The following ANO10 variants were observed in gnomAD, a reference collection of about 807,000 sequenced individuals.
ANO10 encodes the protein anoctamin-10.
Under a neutral mutation model 74.7 loss-of-function variants are expected in ANO10, and 77 were observed. The observed-to-expected ratio is 1.03, with a 90% CI of 0.86 to 1.25. The LOEUF (loss-of-function observed/expected upper bound fraction) is 1.25, where lower values mean the gene tolerates loss of function less well. Ranked by LOEUF, ANO10 falls within the 50% of genes most tolerant of loss-of-function variation. The pLI is 0.00. For synonymous variants in ANO10, 279 were observed against 284.9 expected (o/e 0.98, Z 0.21); for missense variants, 721 against 778.1 (o/e 0.93, Z 0.87).
intron 2 of ANO10, among the ~76,000 whole-genome samples, chr3:43,605,423 A>G (rs2082514126): frequency 6.6e-6 from 1 of 152,178 alleles, no homozygotes; most frequent in Admixed American, 6.6e-5. Flanking sequence ...TTAAGCACCT[A>G]CTATGCACCA....
chr3:43,385,682 T>C (rs1575622851), intron 12 of ANO10, among the ~76,000 whole-genome samples: 1 of 146,740 alleles, frequency 6.8e-6, no homozygotes, highest in Middle Eastern at 3.5e-3. Flanking sequence ...ACATTGTATG[T>C]CCTCACTCAT....
At chr3:43,591,482 G>A (rs151319121) in intron 4 of ANO10, among the ~76,000 whole-genome samples, 1 of 152,174 alleles carries the variant, frequency 6.6e-6, no homozygotes, top group Non-Finnish European at 1.5e-5. Flanking sequence ...AGGCTCCCCA[G>A]GTCAGAGAAC....
At chr3:43,543,730 G>A (rs1036666558) in intron 11 of ANO10, among the ~76,000 whole-genome samples, 4 of 152,120 alleles carry the variant, frequency 2.6e-5, no homozygotes, top group African/African-American at 9.7e-5. Flanking sequence ...GAGAGGGGGT[G>A]CCACATGAAA....
intron 1 of ANO10, among the ~76,000 whole-genome samples, chr3:43,617,471 G>A (rs141334866): frequency 7.8e-4 from 119 of 152,218 alleles, no homozygotes; most frequent in African/African-American, 2.8e-3. Context: ...TCTTTATCAT[G>A]TGTCGAATTG....
At chr3:43,544,576 T>C (rs971748503) in intron 11 of ANO10, among the ~76,000 whole-genome samples, 1 of 152,050 alleles carries the variant, frequency 6.6e-6, no homozygotes, top group Non-Finnish European at 1.5e-5. Context: ...GCAGATCACT[T>C]GAGGTCAGGA....
At chr3:43,574,781 T>C in intron 7 of ANO10, 28 bp downstream of exon 7, 2 of 1,582,942 alleles carry the variant, frequency 1.3e-6, no homozygotes, top group African/African-American at 1.3e-5. Flanking sequence ...TTTCATAAAA[T>C]GGATTTGTAC....
chr3:43,638,280 A>G (rs1262133731), intron 1 of ANO10, among the ~76,000 whole-genome samples: 1 of 152,220 alleles, frequency 6.6e-6, no homozygotes, highest in Non-Finnish European at 1.5e-5. Flanking sequence ...AAATTATGCA[A>G]TTTATATTAA....
intron 11 of ANO10, among the ~76,000 whole-genome samples, chr3:43,476,567 G>A (rs965918556): frequency 2.0e-5 from 3 of 152,108 alleles, no homozygotes; most frequent in African/African-American, 7.2e-5. Context: ...AGAATGCAAC[G>A]GACACCACTT....
chr3:43,685,321 G>C lies in ANO10; in HGVS notation c.-12+6196C>G, dbSNP rs571867239. Among the ~76,000 whole-genome samples, 156 of 152,068 alleles carry C rather than the reference G, an allele frequency of 1.0e-3. 1 individual carries two copies. Among genetic ancestry groups the C allele is most frequent in the African/African-American group, 3.6e-3 (150 of 41,466 alleles). ...AACTTTTGTATATTTCATGGATTTT[G>C]CTTTTTCCACATATCAATATGCTCT... On this transcript the variant is annotated intron_variant, in intron 1 of 3. Coordinates refer to the ANO10 transcript ENST00000413397.
rs145821552 is a variant in ANO10, at chr3:43,383,176, G to A, written c.1915-16202C>T. On this transcript the variant is annotated intron_variant, in intron 12 of 12. Transcript: ENST00000292246. ...CATATCAAAAAGATAATCCATGGCC[G>A]GGTGCGGTGGCTCATGTCTGTAATC... 4.2e-3 allele frequency among the ~76,000 whole-genome samples: 635 copies of A among 152,176 alleles called. 7 individuals are homozygous for A. The highest frequency in any genetic ancestry group is 0.015 in the African/African-American group (611 of 41,510).
chr3:43,459,621 G>A (rs2075292318), intron 11 of ANO10, among the ~76,000 whole-genome samples: 2 of 152,188 alleles, frequency 1.3e-5, no homozygotes, highest in Admixed American at 6.6e-5. Flanking sequence ...CCCTCCTGAG[G>A]AAGGTGCTTC....
intron 11 of ANO10, among the ~76,000 whole-genome samples, chr3:43,504,860 T>C (rs1247909057): frequency 3.3e-5 from 5 of 152,166 alleles, no homozygotes; most frequent in African/African-American, 1.2e-4. Flanking sequence ...CAGGCTGGTC[T>C]TGAACTCCTG....
chr3:43,605,178 T>C (rs1038262632), intron 2 of ANO10, among the ~76,000 whole-genome samples: 2 of 152,216 alleles, frequency 1.3e-5, no homozygotes, highest in African/African-American at 4.8e-5. Flanking sequence ...AGTACTGCCA[T>C]AGTGTCATCT....
chr3:43,506,080 A>G (rs2077283818), intron 11 of ANO10, among the ~76,000 whole-genome samples: 1 of 152,202 alleles, frequency 6.6e-6, no homozygotes, highest in Non-Finnish European at 1.5e-5. Flanking sequence ...ACTTTAATGC[A>G]TTTTACTCTA....
At chr3:43,650,267 A>G (rs1205703252) in intron 1 of ANO10, among the ~76,000 whole-genome samples, 2 of 152,172 alleles carry the variant, frequency 1.3e-5, no homozygotes, top group African/African-American at 4.8e-5. Context: ...CCAGCGGCCA[A>G]TTCTTCGACT....
At chr3:43,640,576 T>A (rs912794210) in intron 1 of ANO10, among the ~76,000 whole-genome samples, 1 of 152,216 alleles carries the variant, frequency 6.6e-6, no homozygotes, top group Non-Finnish European at 1.5e-5. Flanking sequence ...ATGTTCCTAT[T>A]TTCTCACCAT....
Position 43,432,668 on chromosome 3 carries a change from A to G in ANO10, c.1857T>C (p.His619=). ...LAFAIPDKPR[H]IQMKLARLEF... is the part of the protein sequence containing the mutation. ...CCAGTCTGGCTAGTTTCATCTGGAT[A>G]TGCCGTGGCTTATCAGGTATGGCAA... is the stretch of plus-strand genomic sequence containing the variant. Residue 619 remains histidine (H), a synonymous_variant, in exon 12 of 13, where the codon CAT becomes CAC. Transcript: ENST00000292246. 6.2e-7 allele frequency: 1 copy of G among 1,613,994 alleles called. No individual in the cohort carries two copies. Among genetic ancestry groups the G allele is most frequent in the Non-Finnish European group, 8.5e-7 (1 of 1,179,926 alleles).
intron 11 of ANO10, among the ~76,000 whole-genome samples, chr3:43,533,746 T>A (rs1291039315): frequency 2.6e-5 from 4 of 152,240 alleles, no homozygotes; most frequent in African/African-American, 7.2e-5. Flanking sequence ...TTATTCATGA[T>A]GGAAGAATTT....
intron 11 of ANO10, among the ~76,000 whole-genome samples, chr3:43,533,447 G>A (rs1171031601): frequency 1.3e-5 from 2 of 152,090 alleles, no homozygotes; most frequent in Non-Finnish European, 2.9e-5. Flanking sequence ...TTTTTGTTGA[G>A]TTATTCTACT....
Sources: allele counts gnomAD v4.1 joint callset (sites outside exome capture counted in the v4.1 genomes callset), GRCh38; gene constraint gnomAD v4.1.1; transcripts MANE v1.5; gene names NCBI Gene and HGNC (gene_info 2026-07-23, HGNC 2026-07-21).